Variants in PACRG observed in about 807,000 individuals in gnomAD.
The protein encoded by PACRG is parkin coregulated, also known as parkin coregulated gene protein.
In PACRG, 29 loss-of-function variants were observed where a neutral mutation model predicts 29.7. The observed-to-expected ratio is 0.98, with a 90% CI of 0.73 to 1.33. The LOEUF (loss-of-function observed/expected upper bound fraction) is 1.33. PACRG is among the 40% of genes most tolerant of loss of function. PACRG has a pLI of 0.00. For missense variants in PACRG, 279 were observed against 316.2 expected (o/e 0.88, Z 0.89); for synonymous variants, 116 against 118.7 (o/e 0.98, Z 0.15).
At chr6:163,314,703 C>T (rs930796126) in intron 4 of PACRG, 124 bp from the exon 5 acceptor site, 10 of 1,067,188 alleles carry the variant, frequency 9.4e-6, no homozygotes, top group African/African-American at 3.3e-5. Flanking sequence ...TCCGCAAGAT[C>T]GTGTAAAAAT....
At chr6:163,170,874 T>C (rs1178250271) in intron 4 of PACRG, 2 of 152,296 alleles carry the variant, frequency 1.3e-5, no homozygotes, top group Non-Finnish European at 2.9e-5. Context: ...CTGTAGTCTC[T>C]TCTTACCAGT....
At chr6:162,755,194 T>A (rs1161500248) in intron 1 of PACRG, among the ~76,000 whole-genome samples, 1 of 152,124 alleles carries the variant, frequency 6.6e-6, no homozygotes, top group Non-Finnish European at 1.5e-5. Flanking sequence ...TTTTTCTAAT[T>A]CATCTAACTA....
intron 2 of PACRG, among the ~76,000 whole-genome samples, chr6:163,015,782 C>A (rs1179128255): frequency 6.6e-6 from 1 of 152,110 alleles, no homozygotes; most frequent in Non-Finnish European, 1.5e-5. Context: ...TAGAAAACCA[C>A]AAAGAGCGAA....
intron 4 of PACRG, among the ~76,000 whole-genome samples, chr6:163,093,254 G>A (rs1814280377): frequency 6.6e-6 from 1 of 152,196 alleles, no homozygotes; most frequent in African/African-American, 2.4e-5. Flanking sequence ...CTAAGCTTTT[G>A]AGCTTATTTG....
intron 2 of PACRG, among the ~76,000 whole-genome samples, chr6:162,854,720 T>A (rs1791226129): frequency 6.6e-6 from 1 of 152,196 alleles, no homozygotes; most frequent in African/African-American, 2.4e-5. Flanking sequence ...ACCTTTCAGT[T>A]TAGTCTGTGG....
chr6:163,021,483 T>C (rs914025645), intron 2 of PACRG, among the ~76,000 whole-genome samples: 1 of 152,226 alleles, frequency 6.6e-6, no homozygotes, highest in African/African-American at 2.4e-5. Context: ...GCCACCTTCC[T>C]AACTGAGCAA....
At chr6:162,839,698 G>A (rs1789580984) in intron 2 of PACRG, among the ~76,000 whole-genome samples, 1 of 152,136 alleles carries the variant, frequency 6.6e-6, no homozygotes, top group East Asian at 1.9e-4. Flanking sequence ...TATTGCCTAG[G>A]TTTTCTTCTA....
chr6:163,110,226 G>A (rs1341376657), intron 4 of PACRG, among the ~76,000 whole-genome samples: 1 of 152,134 alleles, frequency 6.6e-6, no homozygotes, highest in Non-Finnish European at 1.5e-5. Flanking sequence ...GGAAGAGTTC[G>A]CTTCCTGGTA....
intron 2 of PACRG, among the ~76,000 whole-genome samples, chr6:162,912,890 A>G (rs1796405178): frequency 6.6e-6 from 1 of 151,610 alleles, no homozygotes; most frequent in Non-Finnish European, 1.5e-5. Flanking sequence ...ATTCTTATAA[A>G]TACATGTGTA....
At chr6:163,264,565 C>A (rs1783456546) in intron 4 of PACRG, among the ~76,000 whole-genome samples, 1 of 152,148 alleles carries the variant, frequency 6.6e-6, no homozygotes, top group Non-Finnish European at 1.5e-5. Context: ...AGAAGAGCCG[C>A]CCAGAAACAA....
chr6:163,136,685 A>G (rs1385613236), intron 4 of PACRG, among the ~76,000 whole-genome samples: 2 of 152,226 alleles, frequency 1.3e-5, no homozygotes, highest in African/African-American at 2.4e-5. Context: ...ATTCATAGTT[A>G]TAACGGAAAC....
At chr6:163,047,739 C>T (rs1809545221) in intron 2 of PACRG, among the ~76,000 whole-genome samples, 1 of 152,142 alleles carries the variant, frequency 6.6e-6, no homozygotes. Flanking sequence ...TGTAGTAAAA[C>T]AGCCAGCCAT....
At position 162,853,518 on chromosome 6, in the gene PACRG, T is replaced by TAAGACAGAAAG. The variant is rs1352989240; in HGVS notation, c.291+39240_291+39250dup. ...CTTCTTGTTTTTATCACAGCCTTAATAAGACAGAAAGAAATATGCATACAA... is the reference window on the plus strand; with the variant it reads ...CTTCTTGTTTTTATCACAGCCTTAATAAGACAGAAAGAAGACAGAAAGAAATATGCATACAA... On this transcript the variant is annotated intron_variant, in intron 2 of 4. Transcript: ENST00000366888. The surrounding 1 kb of genome is among the most constrained non-coding windows in gnomAD (Gnocchi z 4.7). 6.6e-6 allele frequency among the ~76,000 whole-genome samples: 1 copy of TAAGACAGAAAG among 152,164 alleles called. No homozygotes were observed. Among genetic ancestry groups the TAAGACAGAAAG allele is most frequent in the Non-Finnish European group, 1.5e-5 (1 of 68,032 alleles).
At chr6:163,091,496 G>T (rs555832554) in intron 4 of PACRG, among the ~76,000 whole-genome samples, 1 of 152,268 alleles carries the variant, frequency 6.6e-6, no homozygotes, top group South Asian at 2.1e-4. Context: ...CTAAATGCAT[G>T]CATCAGGAAT....
intron 1 of PACRG, among the ~76,000 whole-genome samples, chr6:162,738,187 G>A (rs1780310335): frequency 6.6e-6 from 1 of 152,130 alleles, no homozygotes; most frequent in African/African-American, 2.4e-5. Context: ...TATGCATAAT[G>A]AATATATATG....
intron 2 of PACRG, among the ~76,000 whole-genome samples, chr6:162,905,150 C>T (rs1002296205): frequency 3.9e-5 from 6 of 152,078 alleles, no homozygotes; most frequent in South Asian, 4.2e-4. Context: ...CGTTGCCTGA[C>T]GCAGGAGGAC....
chr6:163,163,217 G>A (rs570927411), intron 4 of PACRG, among the ~76,000 whole-genome samples: 2 of 152,198 alleles, frequency 1.3e-5, no homozygotes, highest in South Asian at 4.1e-4. Flanking sequence ...ACACCTACTT[G>A]CTAATTCAGC....
At chr6:163,115,434 C>A (rs1347423777) in intron 4 of PACRG, among the ~76,000 whole-genome samples, 1 of 152,060 alleles carries the variant, frequency 6.6e-6, no homozygotes, top group East Asian at 1.9e-4. Context: ...CTTACTTAAT[C>A]AGAAAAGCAT....
intron 4 of PACRG, among the ~76,000 whole-genome samples, chr6:163,277,337 G>A (rs897610940): frequency 9.2e-5 from 14 of 151,896 alleles, no homozygotes; most frequent in African/African-American, 3.4e-4. Flanking sequence ...TCCCATGTAT[G>A]AGTGAGAACA....
Sources: gnomAD v4.1 joint callset for allele counts (sites outside exome capture counted in the v4.1 genomes callset) on GRCh38, gnomAD v4.1.1 for gene constraint, Gnocchi (gnomAD v3.1) non-coding constraint, MANE v1.5 for transcripts, NCBI Gene and HGNC (gene_info 2026-07-23, HGNC 2026-07-21) for gene names.